The following TMEM236 variants were observed in gnomAD, a reference collection of about 807,000 sequenced individuals.
TMEM236 encodes the protein transmembrane protein 236.
Under a neutral mutation model 14.7 loss-of-function variants are expected in TMEM236, and 11 were observed. The observed-to-expected ratio is 0.75, with a 90% confidence interval of 0.47 to 1.24. The LOEUF (loss-of-function observed/expected upper bound fraction) is 1.24. TMEM236 is among the 50% of genes most tolerant of loss of function. The pLI, the probability that TMEM236 is intolerant of heterozygous loss-of-function variation, is 0.00. For missense variants in TMEM236, 464 were observed against 427.3 expected, an observed-to-expected ratio of 1.09 and a Z score of -0.76; for synonymous variants, 182 against 168.6, an observed-to-expected ratio of 1.08 and a Z score of -0.62.
At chr10:17,782,184 G>T (rs893288529) in intron 3 of TMEM236, among the ~76,000 whole-genome samples, 1 of 152,044 alleles carries the variant, frequency 6.6e-6, no homozygotes, top group African/African-American at 2.4e-5. Context: ...CAACACCTTT[G>T]AAAAACAGAT....
At chr10:17,780,635 A>G (rs1475626083) in intron 3 of TMEM236, among the ~76,000 whole-genome samples, 2 of 152,182 alleles carry the variant, frequency 1.3e-5, no homozygotes, top group African/African-American at 2.4e-5. Context: ...CCAAGAACTA[A>G]GGCGTGTATG....
At chr10:17,756,918 C>T (rs1275051096) in intron 1 of TMEM236, among the ~76,000 whole-genome samples, 1 of 152,174 alleles carries the variant, frequency 6.6e-6, no homozygotes, top group Non-Finnish European at 1.5e-5. Context: ...TCAGGTACCT[C>T]CCCTGTGCTA....
At chr10:17,763,410 G>A (rs982836519) in intron 1 of TMEM236, among the ~76,000 whole-genome samples, 2 of 151,982 alleles carry the variant, frequency 1.3e-5, no homozygotes, top group African/African-American at 2.4e-5. Flanking sequence ...CAGCAACATA[G>A]CAAGACCCTG....
At chr10:17,757,606 A>G (rs1348485075) in intron 1 of TMEM236, among the ~76,000 whole-genome samples, 2 of 151,886 alleles carry the variant, frequency 1.3e-5, no homozygotes, top group Admixed American at 6.6e-5. Flanking sequence ...CTCAAAAAAA[A>G]AAAAAAAAGC....
At chr10:17,788,991 G>C (rs995091155) in intron 3 of TMEM236, among the ~76,000 whole-genome samples, 38 of 152,318 alleles carry the variant, frequency 2.5e-4, no homozygotes, top group African/African-American at 8.7e-4. Context: ...GAGTGGGGTT[G>C]AGGAGTGGGG....
rs1442436525 is a variant in TMEM236 at position 17,797,916 on chromosome 10, T to C, written c.*1412T>C. On this transcript the variant is annotated 3_prime_UTR_variant, in exon 4 of 4. Coordinates refer to ENST00000377495, the MANE Select transcript of TMEM236 (RefSeq NM_001098844.3). ...ATTTTATTTGTGGAATTTGATACTT[T>C]GATAAATAATCAAAGTACAAGCCCT... The C allele has an allele frequency of 5.3e-5, 8 of 152,234 alleles. No individual in the cohort carries two copies. The highest frequency in any genetic ancestry group is 1.7e-4 in the African/African-American group (7 of 41,454). The allele number at this position is 152,234 out of a possible 1,614,324, so 9.4% of individuals were successfully genotyped here. A position where few individuals can be genotyped will look rare whatever the true frequency, so the allele number is the denominator to read the frequency against.
At chr10:17,754,357 G>C (rs1474512484) in intron 1 of TMEM236, among the ~76,000 whole-genome samples, 4 of 152,100 alleles carry the variant, frequency 2.6e-5, no homozygotes, top group Non-Finnish European at 5.9e-5. Flanking sequence ...GTGTGGCTCT[G>C]TTGCCCAGGT....
chr10:17,779,194 A>G (rs1266307139), intron 3 of TMEM236, among the ~76,000 whole-genome samples: 2 of 152,158 alleles, frequency 1.3e-5, no homozygotes, highest in South Asian at 2.1e-4. Context: ...TAGCATTGCA[A>G]CCATACCTGT....
intron 3 of TMEM236, among the ~76,000 whole-genome samples, chr10:17,781,350 C>G (rs1837744540): frequency 6.6e-6 from 1 of 152,144 alleles, no homozygotes; most frequent in Non-Finnish European, 1.5e-5. Context: ...ATCAACAAAC[C>G]TGGTGCTGGG....
intron 1 of TMEM236, among the ~76,000 whole-genome samples, chr10:17,754,156 C>T (rs1837249318): frequency 6.6e-6 from 1 of 152,112 alleles, no homozygotes; most frequent in African/African-American, 2.4e-5. Flanking sequence ...TCGGAGTGAG[C>T]TTACACAACT....
At chr10:17,778,948 A>T (rs1004033955) in intron 3 of TMEM236, among the ~76,000 whole-genome samples, 4 of 152,184 alleles carry the variant, frequency 2.6e-5, no homozygotes, top group African/African-American at 9.7e-5. Flanking sequence ...TTATCATGCA[A>T]CAGCTTCTAA....
chr10:17,767,878 A>T (rs564905434), intron 1 of TMEM236, among the ~76,000 whole-genome samples: 1 of 150,630 alleles, frequency 6.6e-6, no homozygotes, highest in Non-Finnish European at 1.5e-5. Context: ...ATTATGAGTG[A>T]TTACAATTTT....
At chr10:17,770,501 AGCC>A (rs1281224523) in intron 1 of TMEM236, among the ~76,000 whole-genome samples, 1 of 152,126 alleles carries the variant, frequency 6.6e-6, no homozygotes, top group Non-Finnish European at 1.5e-5. Context: ...CTCCTGCCTC[AGCC>A]TCCTGAGTAG....
chr10:17,787,473 A>AT (rs1375182265), intron 3 of TMEM236, among the ~76,000 whole-genome samples: 1 of 152,072 alleles, frequency 6.6e-6, no homozygotes. Flanking sequence ...AGAGCTCCAC[A>AT]TTTTTTACCC....
chr10:17,784,656 T>A (rs1837804906), intron 3 of TMEM236, among the ~76,000 whole-genome samples: 1 of 152,220 alleles, frequency 6.6e-6, no homozygotes, highest in South Asian at 2.1e-4. Context: ...ATTTTTAAAA[T>A]TAGTGATTCC....
chr10:17,781,998 A>G (rs1356598061), intron 3 of TMEM236, among the ~76,000 whole-genome samples: 2 of 151,212 alleles, frequency 1.3e-5, no homozygotes, highest in Non-Finnish European at 2.9e-5. Flanking sequence ...CTATGAAGAG[A>G]TAGATAGGTT....
At chr10:17,763,919 G>A (rs1026865744) in intron 1 of TMEM236, among the ~76,000 whole-genome samples, 131 of 150,434 alleles carry the variant, frequency 8.7e-4, no homozygotes, top group African/African-American at 3.0e-3. Flanking sequence ...TTCATCACCT[G>A]TAAAAAAAGG....
At chr10:17,764,599 A>G (rs1287129058) in intron 1 of TMEM236, among the ~76,000 whole-genome samples, 1 of 152,118 alleles carries the variant, frequency 6.6e-6, no homozygotes, top group Non-Finnish European at 1.5e-5. Context: ...GAAATACCTG[A>G]AAGTTCTGGA....
intron 1 of TMEM236, among the ~76,000 whole-genome samples, chr10:17,761,170 C>G (rs892812292): frequency 6.6e-6 from 1 of 152,118 alleles, no homozygotes; most frequent in Non-Finnish European, 1.5e-5. Flanking sequence ...ATTTCCAGAC[C>G]ATCAAAACTT....
Sources: gnomAD v4.1 joint callset for allele counts (sites outside exome capture counted in the v4.1 genomes callset) on GRCh38, gnomAD v4.1.1 for gene constraint, MANE v1.5 for transcripts, NCBI Gene and HGNC (gene_info 2026-07-23, HGNC 2026-07-21) for gene names.